Variants in CLSTN2 observed in about 807,000 individuals in gnomAD.
CLSTN2 encodes calsyntenin 2, also known as calsyntenin-2.
Under a neutral mutation model 101.2 loss-of-function variants are expected in CLSTN2, and 48 were observed. The ratio of observed to expected loss-of-function variants is 0.47; its 90% CI spans 0.38 to 0.60. The LOEUF (loss-of-function observed/expected upper bound fraction) is 0.60. Among genes scored for constraint, CLSTN2 ranks in the 20% least tolerant of loss-of-function variants. The pLI is 0.00. For synonymous variants in CLSTN2, 481 were observed against 463.6 expected, an observed-to-expected ratio of 1.04 and a Z score of -0.48; for missense variants, 1,160 against 1,238.2, an observed-to-expected ratio of 0.94 and a Z score of 0.95.
chr3:140,467,959 TG>T (rs1458969297), intron 8 of CLSTN2, among the ~76,000 whole-genome samples: 1 of 152,156 alleles, frequency 6.6e-6, no homozygotes, highest in African/African-American at 2.4e-5. Context: ...CTCTCAATGG[TG>T]GAACTCCAGG....
chr3:140,057,965 C>G (rs2008130442), intron 1 of CLSTN2, among the ~76,000 whole-genome samples: 1 of 152,078 alleles, frequency 6.6e-6, no homozygotes, highest in African/African-American at 2.4e-5. Context: ...AGGCTTATGT[C>G]TGGTGAAATT....
At chr3:140,030,476 T>C (rs2007524176) in intron 1 of CLSTN2, among the ~76,000 whole-genome samples, 1 of 152,140 alleles carries the variant, frequency 6.6e-6, no homozygotes, top group Admixed American at 6.5e-5. Flanking sequence ...TCCTGCAGCC[T>C]CCATTTCCCT....
chr3:140,119,744 T>C (rs2009307711), intron 1 of CLSTN2, among the ~76,000 whole-genome samples: 1 of 152,120 alleles, frequency 6.6e-6, no homozygotes, highest in South Asian at 2.1e-4. Flanking sequence ...CAAGTGATCC[T>C]CCTGTTTCAG....
At chr3:140,565,143 C>T (rs1428161831) in intron 16 of CLSTN2, among the ~76,000 whole-genome samples, 1 of 152,162 alleles carries the variant, frequency 6.6e-6, no homozygotes, top group African/African-American at 2.4e-5. Flanking sequence ...AGTGTGAGGA[C>T]AAGGCAAGAG....
chr3:140,127,999 C>A (rs1447095353), intron 1 of CLSTN2, among the ~76,000 whole-genome samples: 2 of 152,074 alleles, frequency 1.3e-5, no homozygotes. Flanking sequence ...AATTAGGAAG[C>A]AAATACTCAC....
intron 1 of CLSTN2, among the ~76,000 whole-genome samples, chr3:140,043,175 T>G (rs2007796951): frequency 6.6e-6 from 1 of 152,174 alleles, no homozygotes; most frequent in Non-Finnish European, 1.5e-5. Context: ...CCACATCCTC[T>G]CCAGCACCTG....
intron 8 of CLSTN2, among the ~76,000 whole-genome samples, chr3:140,520,849 C>T (rs1935008532): frequency 6.6e-6 from 1 of 152,238 alleles, no homozygotes; most frequent in Non-Finnish European, 1.5e-5. Context: ...TTGGAGATTC[C>T]ATTCATTCCT....
chr3:140,384,404 C>T (rs561825601), intron 2 of CLSTN2, among the ~76,000 whole-genome samples: 1 of 152,284 alleles, frequency 6.6e-6, no homozygotes, highest in East Asian at 1.9e-4. Context: ...TTCAAACTTC[C>T]CCTCCGAGTT....
chr3:140,522,520 T>C (rs1056490654), intron 8 of CLSTN2, among the ~76,000 whole-genome samples: 4 of 152,166 alleles, frequency 2.6e-5, no homozygotes, highest in African/African-American at 9.7e-5. Flanking sequence ...GTTCTGTCCA[T>C]TGTCATCTAA....
At position 140,574,630 on chromosome 3, in the gene CLSTN2, C is replaced by T. The variant is rs1177245184; in HGVS notation, c.*8377C>T. 2 of 152,156 alleles carry T rather than the reference C, an allele frequency of 1.3e-5. No homozygotes were observed. Among genetic ancestry groups the T allele is most frequent in the African/African-American group, 4.8e-5 (2 of 41,444 alleles). The allele number at this position is 152,156 out of a possible 1,614,324, so 9.4% of individuals were successfully genotyped here. On this transcript the variant is annotated 3_prime_UTR_variant, in exon 17 of 17. Coordinates refer to ENST00000458420, the MANE Select transcript of CLSTN2 (RefSeq NM_022131.3). ...GTGTATTAATCACAGACAACAGAAA[C>T]GTGTTAGCTTTAATGTCTGTTTGCT...
chr3:140,369,028 CT>C (rs1241236664), intron 2 of CLSTN2, among the ~76,000 whole-genome samples: 1 of 152,158 alleles, frequency 6.6e-6, no homozygotes, highest in East Asian at 1.9e-4. Flanking sequence ...GGCATTTTAA[CT>C]GACTGTTTTC....
At chr3:140,534,012 A>G (rs1051775148) in intron 9 of CLSTN2, among the ~76,000 whole-genome samples, 1 of 152,196 alleles carries the variant, frequency 6.6e-6, no homozygotes, top group African/African-American at 2.4e-5. Flanking sequence ...AGAGCTTGGC[A>G]ATGAGAGTAT....
At chr3:140,096,515 C>T (rs750905100) in intron 1 of CLSTN2, among the ~76,000 whole-genome samples, 11 of 152,110 alleles carry the variant, frequency 7.2e-5, no homozygotes, top group Non-Finnish European at 1.5e-4. Flanking sequence ...GAGTGCTTTC[C>T]TGCTATTGTG....
chr3:140,437,843 A>G (rs937537596), intron 5 of CLSTN2, among the ~76,000 whole-genome samples: 1 of 152,258 alleles, frequency 6.6e-6, no homozygotes, highest in African/African-American at 2.4e-5. Flanking sequence ...AAAATTTCCC[A>G]TAGTTCAATT....
At position 140,571,491 on chromosome 3, in the gene CLSTN2, C is replaced by A. The variant is rs1985547637; in HGVS notation, c.*5238C>A. On this transcript the variant is annotated 3_prime_UTR_variant, in exon 17 of 17. Coordinates refer to ENST00000458420, the MANE Select transcript of CLSTN2 (RefSeq NM_022131.3). ...TTTAGGTAAGATAACGTTTAGGCCT[C>A]TGGGGGATCCCCAAAGCCTTCTGCA... The A allele has an allele frequency of 6.6e-6, 1 of 152,234 alleles. No homozygotes were observed. Among genetic ancestry groups the A allele is most frequent in the Non-Finnish European group, 1.5e-5 (1 of 68,048 alleles). 9.4% of individuals were successfully genotyped at this position (152,234 alleles called of 1,614,324 possible).
In CLSTN2 at chr3:140,570,314, ATTC is replaced by A. The variant is rs1194281858; in HGVS notation, c.*4064_*4066del. ...GTATAGTTGCAACTGACCTGAACAT[ATTC>A]TTTTTTTCATTATTATTCCTTGAAC... On this transcript the variant is annotated 3_prime_UTR_variant, in exon 17 of 17. Transcript: ENST00000458420. The A allele has an allele frequency of 1.3e-5, 2 of 152,242 alleles. No homozygotes were observed. The highest frequency in any genetic ancestry group is 4.8e-5 in the African/African-American group (2 of 41,470). The allele number at this position is 152,242 out of a possible 1,614,324, so 9.4% of individuals were successfully genotyped here.
At chr3:140,439,970 T>C (rs1437363366) in intron 5 of CLSTN2, among the ~76,000 whole-genome samples, 1 of 152,244 alleles carries the variant, frequency 6.6e-6, no homozygotes, top group Non-Finnish European at 1.5e-5. Flanking sequence ...TTCATAGATA[T>C]TTGTTGGGCA....
intron 1 of CLSTN2, among the ~76,000 whole-genome samples, chr3:140,148,864 C>T (rs1181583819): frequency 6.6e-6 from 1 of 152,210 alleles, no homozygotes; most frequent in South Asian, 2.1e-4. Flanking sequence ...GTTTCAGATG[C>T]AATGGCACTG....
intron 8 of CLSTN2, among the ~76,000 whole-genome samples, chr3:140,529,180 C>T (rs1211237886): frequency 1.3e-5 from 2 of 152,224 alleles, no homozygotes; most frequent in East Asian, 3.8e-4. Flanking sequence ...GAAATTCCAG[C>T]ACACTCCTAA....
Sources: gnomAD v4.1 joint callset for allele counts (sites outside exome capture counted in the v4.1 genomes callset) on GRCh38, gnomAD v4.1.1 for gene constraint, MANE v1.5 for transcripts, NCBI Gene and HGNC (gene_info 2026-07-23, HGNC 2026-07-21) for gene names.